The following PLSCR5 variants were observed in gnomAD, a reference collection of about 807,000 sequenced individuals.
PLSCR5 encodes phospholipid scramblase family, member 5.
In PLSCR5, 44 loss-of-function variants were observed where a neutral mutation model predicts 33.6. The observed-to-expected ratio is 1.31, with a 90% CI of 1.03 to 1.69. The LOEUF (loss-of-function observed/expected upper bound fraction) is 1.69, where lower values mean the gene tolerates loss of function less well. PLSCR5 is among the 40% of genes most tolerant of loss of function. PLSCR5 has a pLI of 0.00. For missense variants in PLSCR5, 375 were observed against 318.7 expected (o/e 1.18, Z -1.34); for synonymous variants, 148 against 112.3 (o/e 1.32, Z -2.01).
rs114756899 is a variant in PLSCR5 at position 146,603,086 on chromosome 3, A to T, written c.13+2114T>A. On this transcript the variant is annotated intron_variant, in intron 1 of 7. Transcript: ENST00000443512. ...TTGTGTTAATTTCTACTAAGCCAGG[A>T]TGCTCCAGCTCACACAAATGTCTCT... Among the ~76,000 whole-genome samples, 666 of 152,182 alleles carry T rather than the reference A, an allele frequency of 4.4e-3. 8 individuals carry two copies. Among genetic ancestry groups the T allele is most frequent in the African/African-American group, 0.015 (640 of 41,528 alleles).
At position 146,577,014 on chromosome 3, in the gene PLSCR5, A is replaced by G. The variant is rs1459051193; in HGVS notation, c.*45-289T>C. ...TTTTTTTAAAAAAAAGAATTAAGTG[A>G]CTTAAAAGATACTCTTAGGGATTTT... On this transcript the variant is annotated intron_variant, in intron 7 of 7. Transcript: ENST00000482567. Among the ~76,000 whole-genome samples, 3 of 152,200 alleles carry G rather than the reference A, an allele frequency of 2.0e-5. No individual in the cohort carries two copies. In the East Asian group the frequency reaches 5.8e-4, roughly 29 times the overall value.
chr3:146,602,632 G>A (rs887039095), intron 1 of PLSCR5, among the ~76,000 whole-genome samples: 2 of 152,052 alleles, frequency 1.3e-5, no homozygotes, highest in Non-Finnish European at 2.9e-5. Context: ...TAAAAACCAT[G>A]TGTAGGGATT....
At chr3:146,603,347 T>C (rs2044835165) in intron 1 of PLSCR5, among the ~76,000 whole-genome samples, 1 of 152,138 alleles carries the variant, frequency 6.6e-6, no homozygotes, top group African/African-American at 2.4e-5. Context: ...TGACTTGCCC[T>C]CTTAAACAAG....
At chr3:146,602,510 G>A (rs1180321104) in intron 1 of PLSCR5, among the ~76,000 whole-genome samples, 5 of 151,960 alleles carry the variant, frequency 3.3e-5, no homozygotes, top group Non-Finnish European at 5.9e-5. Flanking sequence ...ATAGAATCTA[G>A]AAATGTCTAT....
chr3:146,583,204 C>T (rs116753669), downstream of PLSCR5, among the ~76,000 whole-genome samples: 3,245 of 152,242 alleles, frequency 0.021, 43 homozygotes, highest in Non-Finnish European at 0.031. Context: ...ATATCTGAAA[C>T]GTAATCTGTG....
chr3:146,589,871 C>G, intron 5 of PLSCR5, 57 bp from the exon 6 acceptor site: 1 of 1,165,442 alleles, frequency 8.6e-7, no homozygotes, highest in Non-Finnish European at 1.2e-6. Context: ...TGGTTTTATA[C>G]TTCTGAGGGT....
downstream of PLSCR5, among the ~76,000 whole-genome samples, chr3:146,583,198 C>A (rs1190072590): frequency 6.6e-6 from 1 of 152,186 alleles, no homozygotes; most frequent in Non-Finnish European, 1.5e-5. Flanking sequence ...CTTCTCATAT[C>A]TGAAACGTAA....
At chr3:146,591,940 C>G in intron 4 of PLSCR5, 59 bp from the exon 5 acceptor site, 1 of 1,377,622 alleles carries the variant, frequency 7.3e-7, no homozygotes, top group Non-Finnish European at 9.8e-7. Context: ...TTTAATTTTA[C>G]TATAATGTCA....
At chr3:146,592,535 AT>A (rs2044724816) in intron 4 of PLSCR5, among the ~76,000 whole-genome samples, 1 of 152,188 alleles carries the variant, frequency 6.6e-6, no homozygotes, top group South Asian at 2.1e-4. Flanking sequence ...TGTAAAATAA[AT>A]TGGGGGTGGG....
downstream of PLSCR5, chr3:146,585,781 C>A: frequency 4.9e-6 from 1 of 203,532 alleles, no homozygotes; most frequent in Non-Finnish European, 9.8e-6. Flanking sequence ...TCAAAGCAAC[C>A]TTGTGCTCAG....
chr3:146,589,609 AG>A (rs2044695441), intron 6 of PLSCR5, 43 bp downstream of exon 6: 1 of 1,437,406 alleles, frequency 7.0e-7, no homozygotes, highest in Admixed American at 2.0e-5. Context: ...AACAAGCAAG[AG>A]GGAGAATAAC....
intron 6 of PLSCR5, 152 bp downstream of exon 6, chr3:146,589,501 A>G (rs942486950): frequency 4.2e-6 from 3 of 712,644 alleles, no homozygotes; most frequent in East Asian, 3.3e-5. Flanking sequence ...TCTAAATTCT[A>G]ATTTTTGAAG....
rs1164321690 is a variant in PLSCR5, at chr3:146,585,863, T to C, written c.*124A>G. On this transcript the variant is annotated 3_prime_UTR_variant, in exon 8 of 8. Coordinates refer to ENST00000443512, the MANE Select transcript of PLSCR5 (RefSeq NM_001085420.2). ...TGCCTCATTAAACTGTTTTAATAAA[T>C]ATAATAATTAACATTTTTTTTTAAC... 9.8e-6 allele frequency: 4 copies of C among 408,442 alleles called. No individual in the cohort carries two copies. Among genetic ancestry groups the C allele is most frequent in the African/African-American group, 6.5e-5 (3 of 46,458 alleles). 25.3% of individuals were successfully genotyped at this position (408,442 alleles called of 1,614,324 possible).
chr3:146,582,618 C>G (rs2044640042), downstream of PLSCR5, among the ~76,000 whole-genome samples: 1 of 152,112 alleles, frequency 6.6e-6, no homozygotes, highest in Admixed American at 6.5e-5. Flanking sequence ...TCTTGATTTT[C>G]TCAGCTGTGA....
downstream of PLSCR5, among the ~76,000 whole-genome samples, chr3:146,584,957 T>G (rs1391310063): frequency 6.6e-6 from 1 of 152,122 alleles, no homozygotes; most frequent in Admixed American, 6.5e-5. Flanking sequence ...GTAGGTGGTA[T>G]TTGTGTAAGT....
intron 7 of PLSCR5, among the ~76,000 whole-genome samples, chr3:146,578,851 C>A (rs898642773): frequency 1.5e-4 from 23 of 151,994 alleles, no homozygotes; most frequent in Middle Eastern, 3.4e-3. Context: ...ATAATTAAAT[C>A]AAAAATGCCT....
chr3:146,591,654 A>T, intron 5 of PLSCR5, 66 bp downstream of exon 5: 1 of 1,459,776 alleles, frequency 6.9e-7, no homozygotes, highest in Non-Finnish European at 9.2e-7. Context: ...ACATAAAAAA[A>T]TTGAATTATG....
At position 146,595,078 on chromosome 3, in the gene PLSCR5, G is replaced by C; in HGVS notation, c.195C>G (p.Asp65Glu). 7.0e-7 allele frequency: 1 copy of C among 1,418,722 alleles called. No homozygotes were observed. The highest frequency in any genetic ancestry group is 9.3e-7 in the Non-Finnish European group (1 of 1,069,952). 87.9% of individuals were successfully genotyped at this position (1,418,722 alleles called of 1,614,324 possible). A position where few individuals can be genotyped will look rare whatever the true frequency, so the allele number is the denominator to read the frequency against. The change falls in exon 3 of 8, where the codon GAC becomes GAG. Residue 65 changes from aspartate (D) to glutamate (E), a missense_variant. Asp to Glu is a conservative substitution (Grantham distance 45). Transcript: ENST00000443512. ...PPGLEYLSQL[D>E]LIIIHQQVEL... Reference sequence around the variant, plus strand: ...CCACCTGCTGGTGTATAATTATCAGGTCTAACTGTAAAGGATGACATAAAA... The same window carrying C: ...CCACCTGCTGGTGTATAATTATCAGCTCTAACTGTAAAGGATGACATAAAA...
Position 146,589,727 on chromosome 3 carries a change from T to C in PLSCR5, c.703A>G (p.Asn235Asp). ...TCTGCAGGAACATGAATTCCGAAAT[T>C]GTCAGCATTTGTGAAGACATCATTT... Reference protein sequence around the residue: ...FVNDVFTNADNFGIHVPADLD... With the variant: ...FVNDVFTNADDFGIHVPADLD... Residue 235 changes from asparagine (N) to aspartate (D), a missense_variant, in exon 6 of 8, where the codon AAT becomes GAT. Asn to Asp is a conservative substitution (Grantham distance 23). Coordinates refer to ENST00000443512, the MANE Select transcript of PLSCR5 (RefSeq NM_001085420.2). 6.2e-7 allele frequency: 1 copy of C among 1,600,582 alleles called. No homozygotes were observed. Among genetic ancestry groups the C allele is most frequent in the Non-Finnish European group, 8.6e-7 (1 of 1,169,462 alleles).
Sources: allele counts gnomAD v4.1 joint callset (sites outside exome capture counted in the v4.1 genomes callset), GRCh38; gene constraint gnomAD v4.1.1; transcripts MANE v1.5; gene names NCBI Gene and HGNC (gene_info 2026-07-23, HGNC 2026-07-21).